PANK3: variants seen among roughly 807,000 people sequenced by gnomAD.
PANK3 encodes hPanK3.
Under a neutral mutation model 39.4 loss-of-function variants are expected in PANK3, and 20 were observed. The observed-to-expected ratio is 0.51, with a 90% CI of 0.36 to 0.74. PANK3 has a LOEUF of 0.74. Ranked by LOEUF, PANK3 falls within the 30% of genes least tolerant of loss-of-function variation. The pLI is 0.00. For synonymous variants in PANK3, 140 were observed against 157.3 expected (o/e 0.89, Z 0.82); for missense variants, 265 against 437.0 (o/e 0.61, Z 3.51).
At chr5:168,566,548 T>G (rs573423110) in intron 2 of PANK3, among the ~76,000 whole-genome samples, 1 of 152,262 alleles carries the variant, frequency 6.6e-6, no homozygotes, top group African/African-American at 2.4e-5. Flanking sequence ...TTAATGGGTG[T>G]GACATTTCTG....
rs970622604 is a variant in PANK3, at chr5:168,554,967, C to A, written c.*2604G>T. 6.6e-6 allele frequency: 1 copy of A among 152,196 alleles called. No individual in the cohort carries two copies. The highest frequency in any genetic ancestry group is 2.4e-5 in the African/African-American group (1 of 41,450). The allele number at this position is 152,196 out of a possible 1,614,324, so 9.4% of individuals were successfully genotyped here. On this transcript the variant is annotated 3_prime_UTR_variant, in exon 7 of 7. Coordinates refer to ENST00000239231, the MANE Select transcript of PANK3 (RefSeq NM_024594.4). ...TGAAATTACCTGCTAGAGTGAGCAA[C>A]CATCTCACCACTGTGGCTCTTTAGC...
At chr5:168,564,130 G>C in intron 3 of PANK3, 65 bp from the exon 4 acceptor site, 1 of 1,336,932 alleles carries the variant, frequency 7.5e-7, no homozygotes, top group East Asian at 2.5e-5. Flanking sequence ...TAAAGTAAAA[G>C]GGTGGATCAT....
intron 4 of PANK3, among the ~76,000 whole-genome samples, chr5:168,563,200 C>A (rs1404507486): frequency 6.6e-6 from 1 of 152,134 alleles, no homozygotes; most frequent in East Asian, 1.9e-4. Flanking sequence ...GAATCAATAT[C>A]CAGAAGCCAT....
chr5:168,553,378 G>C lies in PANK3; in HGVS notation c.*4193C>G. On this transcript the variant is annotated 3_prime_UTR_variant, in exon 7 of 7. Transcript: ENST00000239231. Reference sequence around the variant, plus strand: ...CAGGATCAGCATTTCAACCAACTCAGCTTGTCTGCAGAATCCCATAAGGCA... The same window carrying C: ...CAGGATCAGCATTTCAACCAACTCACCTTGTCTGCAGAATCCCATAAGGCA... 2.0e-6 allele frequency: 1 copy of C among 492,020 alleles called. No individual in the cohort carries two copies. Among genetic ancestry groups the C allele is most frequent in the Non-Finnish European group, 4.1e-6 (1 of 243,452 alleles). The allele number at this position is 492,020 out of a possible 1,614,324, so 30.5% of individuals were successfully genotyped here.
At chr5:168,578,463 T>G (rs555769516) in intron 1 of PANK3, among the ~76,000 whole-genome samples, 2 of 152,220 alleles carry the variant, frequency 1.3e-5, no homozygotes, top group African/African-American at 4.8e-5. Flanking sequence ...TCTGGGAGGC[T>G]ATACTTAAAA....
At chr5:168,573,852 C>CT (rs1309464967) in intron 1 of PANK3, among the ~76,000 whole-genome samples, 2 of 151,964 alleles carry the variant, frequency 1.3e-5, no homozygotes, top group Admixed American at 6.6e-5. Context: ...TGAACTCATC[C>CT]TTTTTTATGG....
chr5:168,568,583 G>A, intron 2 of PANK3, 63 bp downstream of exon 2: 1 of 1,213,860 alleles, frequency 8.2e-7, no homozygotes, highest in Non-Finnish European at 1.2e-6. Context: ...CATGCTAGAT[G>A]GAAACCTACT....
At chr5:168,565,491 T>C (rs9968614) in intron 3 of PANK3, among the ~76,000 whole-genome samples, 3,890 of 152,026 alleles carry the variant, frequency 0.026, 140 homozygotes, top group African/African-American at 0.081. Flanking sequence ...AAAAAATAGG[T>C]AAAGAAGAAA....
chr5:168,563,788 G>C (rs1759481299), intron 4 of PANK3, 101 bp downstream of exon 4: 1 of 1,070,616 alleles, frequency 9.3e-7, no homozygotes, highest in South Asian at 2.0e-5. Context: ...CTGGATAAGA[G>C]AAAGCACCCT....
At chr5:168,566,365 A>G in intron 2 of PANK3, 99 bp from the exon 3 acceptor site, 1 of 1,284,664 alleles carries the variant, frequency 7.8e-7, no homozygotes, top group Admixed American at 2.3e-5. Flanking sequence ...AAAATGGTCT[A>G]TGACCCCCAC....
Position 168,560,796 on chromosome 5 carries a change from A to C in PANK3, c.936+597T>G, listed in dbSNP as rs79933722. ...GAATTAAATATATATATTCTCTTCCAAACAAAGAATCCCAACTATATGGTC... is the reference window on the plus strand; with the variant it reads ...GAATTAAATATATATATTCTCTTCCCAACAAAGAATCCCAACTATATGGTC... On this transcript the variant is annotated intron_variant, in intron 5 of 6. Transcript: ENST00000239231. 5.2e-3 allele frequency: 1,066 copies of C among 206,516 alleles called. 30 individuals carry two copies. The East Asian group carries it at 0.062, about 12-fold the overall frequency. 12.8% of individuals were successfully genotyped at this position (206,516 alleles called of 1,614,324 possible).
intron 4 of PANK3, among the ~76,000 whole-genome samples, chr5:168,562,856 G>C (rs1210267159): frequency 6.6e-6 from 1 of 152,114 alleles, no homozygotes; most frequent in African/African-American, 2.4e-5. Context: ...GCAAAGGAGT[G>C]AAACTAGCCC....
In PANK3 at chr5:168,568,922, T is replaced by C. The variant is rs765699854; in HGVS notation, c.105A>G (p.Ala35=). The change falls in exon 2 of 7, where the codon GCA becomes GCG. Residue 35 remains alanine, a synonymous_variant. Coordinates refer to ENST00000239231, the MANE Select transcript of PANK3 (RefSeq NM_024594.4). ...LSYFEPIDIT[A]EEEQEEVESL... Reference sequence around the variant, plus strand: ...TCTCAACTTCTTCTTGCTCTTCCTCTGCTGTGATATCAATAGGTTCAAAGT... The same window carrying C: ...TCTCAACTTCTTCTTGCTCTTCCTCCGCTGTGATATCAATAGGTTCAAAGT... 26 of 1,611,696 alleles carry C rather than the reference T, an allele frequency of 1.6e-5. 1 individual carries two copies. The South Asian group carries it at 2.6e-4, about 16-fold the overall frequency.
rs1428084480 is a variant in PANK3, at chr5:168,554,111, TTC to T, written c.*3458_*3459del. On this transcript the variant is annotated 3_prime_UTR_variant, in exon 7 of 7. Coordinates refer to ENST00000239231, the MANE Select transcript of PANK3 (RefSeq NM_024594.4). ...GTAAAGCCTTTTACCTGGGAATTTATTCTCTCTTTTGTATTTTTGATAGTGAT... is the reference window on the plus strand; with the variant it reads ...GTAAAGCCTTTTACCTGGGAATTTATTCTCTTTTGTATTTTTGATAGTGAT... The T allele has an allele frequency of 2.0e-5, 3 of 152,334 alleles. No homozygotes were observed. The highest frequency in any genetic ancestry group is 2.9e-5 in the Non-Finnish European group (2 of 68,026). The allele number at this position is 152,334 out of a possible 1,614,324, so 9.4% of individuals were successfully genotyped here. A position where few individuals can be genotyped will look rare whatever the true frequency, so the allele number is the denominator to read the frequency against.
rs1759297941 is a variant in PANK3 at position 168,553,137 on chromosome 5, A to T, written c.*4434T>A. On this transcript the variant is annotated 3_prime_UTR_variant, in exon 7 of 7. Coordinates refer to ENST00000239231, the MANE Select transcript of PANK3 (RefSeq NM_024594.4). Reference sequence around the variant, plus strand: ...ATGGAAGGGCTACACTTTATAGGACAGCTGGAAGGATGGTAAAGCCCAGTA... The same window carrying T: ...ATGGAAGGGCTACACTTTATAGGACTGCTGGAAGGATGGTAAAGCCCAGTA... 4.4e-6 allele frequency: 2 copies of T among 451,470 alleles called. No individual in the cohort carries two copies. Among genetic ancestry groups the T allele is most frequent in the Non-Finnish European group, 4.3e-6 (1 of 231,672 alleles). 28.0% of individuals were successfully genotyped at this position (451,470 alleles called of 1,614,324 possible). A position where few individuals can be genotyped will look rare whatever the true frequency, so the allele number is the denominator to read the frequency against.
At chr5:168,565,869 ATATATAT>A in intron 3 of PANK3, 137 bp downstream of exon 3, 1 of 101,564 alleles carries the variant, frequency 9.8e-6, no homozygotes, top group Non-Finnish European at 1.6e-5. Context: ...AAAAAAAAAA[ATATATAT>A]ATATATATAT....
At chr5:168,570,290 C>A (rs913829990) in intron 1 of PANK3, among the ~76,000 whole-genome samples, 6 of 150,792 alleles carry the variant, frequency 4.0e-5, no homozygotes, top group Admixed American at 3.3e-4. Flanking sequence ...GAGGCTGAGG[C>A]AGGAGAATGG....
chr5:168,573,916 A>C, intron 1 of PANK3, among the ~76,000 whole-genome samples: 1 of 151,960 alleles, frequency 6.6e-6, no homozygotes, highest in East Asian at 1.9e-4. Flanking sequence ...CCAGTCTATC[A>C]TTGTTGGACA....
intron 6 of PANK3, 95 bp downstream of exon 6, chr5:168,558,937 T>C (rs961364296): frequency 7.4e-6 from 9 of 1,217,122 alleles, no homozygotes; most frequent in South Asian, 1.7e-5. Context: ...TAAGCCATCA[T>C]TGTGCCACTA....
Sources: allele counts gnomAD v4.1 joint callset (sites outside exome capture counted in the v4.1 genomes callset), GRCh38; gene constraint gnomAD v4.1.1; transcripts MANE v1.5; gene names NCBI Gene and HGNC (gene_info 2026-07-23, HGNC 2026-07-21).